Variants in NFIC observed in about 807,000 individuals in gnomAD.
NFIC encodes nuclear factor I C.
In NFIC, 12 loss-of-function variants were observed where a neutral mutation model predicts 54.4. That is an observed-to-expected ratio of 0.22 (90% CI 0.14 to 0.36). NFIC has a LOEUF of 0.36. Ranked by LOEUF, NFIC falls within the 10% of genes least tolerant of loss-of-function variation. The pLI, the probability that NFIC is intolerant of heterozygous loss-of-function variation, is 1.00. For missense variants in NFIC, 575 were observed against 718.2 expected (o/e 0.80, Z 2.28); for synonymous variants, 322 against 319.2 (o/e 1.01, Z -0.09).
upstream of NFIC, among the ~76,000 whole-genome samples, chr19:3,365,732 G>A (rs2080871003): frequency 6.6e-6 from 1 of 152,156 alleles, no homozygotes; most frequent in Admixed American, 6.5e-5. Flanking sequence ...GATCCCGCCT[G>A]GACACCGTCC....
At chr19:3,429,074 C>T (rs994026772) in intron 3 of NFIC, among the ~76,000 whole-genome samples, 5 of 150,886 alleles carry the variant, frequency 3.3e-5, no homozygotes, top group Non-Finnish European at 5.9e-5. Flanking sequence ...CGCTTGAGCC[C>T]AGGAGTTCAA....
At chr19:3,416,951 T>A (rs1226967256) in intron 2 of NFIC, among the ~76,000 whole-genome samples, 1 of 150,764 alleles carries the variant, frequency 6.6e-6, no homozygotes, top group Non-Finnish European at 1.5e-5. Context: ...TGGCGCGATC[T>A]CGGCTCACTG....
intron 2 of NFIC, among the ~76,000 whole-genome samples, chr19:3,413,724 T>TC (rs541073012): frequency 3.1e-4 from 47 of 152,084 alleles, no homozygotes; most frequent in African/African-American, 1.1e-3. Context: ...ACTGCAGCCA[T>TC]CCCCCGGGTT....
At chr19:3,362,630 G>GGT (rs1237343398), upstream of NFIC, among the ~76,000 whole-genome samples, 1 of 151,968 alleles carries the variant, frequency 6.6e-6, no homozygotes, top group Non-Finnish European at 1.5e-5. Context: ...CGTAGTGTGT[G>GGT]GTGTGTGTGT....
chr19:3,417,049 A>G (rs2081869295), intron 2 of NFIC, among the ~76,000 whole-genome samples: 1 of 115,494 alleles, frequency 8.7e-6, no homozygotes, highest in African/African-American at 2.5e-5. Context: ...AGGCCCAGCT[A>G]ATTTTTTTTG....
At position 3,369,660 on chromosome 19, in the gene NFIC, C is replaced by G. The variant is rs1225137981; in HGVS notation, c.30+2994C>G. ...ACTCAAGCGCTTTTTCACTTTTACT[C>G]TTAAGAGGAACTGTGTGGAGCCCAT... On this transcript the variant is annotated intron_variant, in intron 1 of 10. Transcript: ENST00000443272. The surrounding 1 kb of genome is among the most constrained non-coding windows in gnomAD (Gnocchi z 4.3). Among the ~76,000 whole-genome samples, 1 of 151,844 alleles carries G rather than the reference C, an allele frequency of 6.6e-6. No homozygotes were observed. Among genetic ancestry groups the G allele is most frequent in the Non-Finnish European group, 1.5e-5 (1 of 67,898 alleles).
chr19:3,377,961 C>G (rs2081136929), intron 1 of NFIC, among the ~76,000 whole-genome samples: 1 of 151,828 alleles, frequency 6.6e-6, no homozygotes, highest in African/African-American at 2.4e-5. Context: ...TAGGGTTTTG[C>G]CTGCCGGCCA....
chr19:3,408,874 G>A (rs774780822), intron 2 of NFIC, among the ~76,000 whole-genome samples: 2 of 152,074 alleles, frequency 1.3e-5, no homozygotes, highest in African/African-American at 4.8e-5. Context: ...GTGAGCCACC[G>A]CCCCTGGCTG....
At chr19:3,431,059 G>A (rs1449983648) in intron 3 of NFIC, among the ~76,000 whole-genome samples, 1 of 151,900 alleles carries the variant, frequency 6.6e-6, no homozygotes, top group Non-Finnish European at 1.5e-5. Flanking sequence ...CTGTGTCAGA[G>A]CCTCGTTCTT....
At chr19:3,377,728 C>T (rs1197259373) in intron 1 of NFIC, among the ~76,000 whole-genome samples, 1 of 152,092 alleles carries the variant, frequency 6.6e-6, no homozygotes, top group Non-Finnish European at 1.5e-5. Flanking sequence ...CCTCCCACCT[C>T]AGCCTCCTAA....
chr19:3,379,665 ATTTCTTTC>A (rs2081166835), intron 1 of NFIC, among the ~76,000 whole-genome samples: 3 of 83,664 alleles, frequency 3.6e-5, no homozygotes, highest in South Asian at 3.8e-4. Flanking sequence ...ATTTTTTTTT[ATTTCTTTC>A]TTTTTTTTTT....
rs541026494 is a variant in NFIC, at chr19:3,375,934, C to G, written c.31-5778C>G. Reference sequence around the variant, plus strand: ...CTACCTTCCTGAGACCCCAATCTTACAGAGAACAGGCTGTTCTGAGAAAGG... The same window carrying G: ...CTACCTTCCTGAGACCCCAATCTTAGAGAGAACAGGCTGTTCTGAGAAAGG... On this transcript the variant is annotated intron_variant, in intron 1 of 10. Transcript: ENST00000443272. This position sits in a 1 kb window ranked among gnomAD's most constrained non-coding sequence, Gnocchi z 4.6. Among the ~76,000 whole-genome samples the G allele has an allele frequency of 6.6e-6, 1 of 152,210 alleles. No homozygotes were observed. Among genetic ancestry groups the G allele is most frequent in the East Asian group, 1.9e-4 (1 of 5,160 alleles).
chr19:3,360,464 G>T (rs1008280410), intron 1 of NFIC, among the ~76,000 whole-genome samples: 1 of 151,788 alleles, frequency 6.6e-6, no homozygotes, highest in African/African-American at 2.4e-5. Flanking sequence ...CGGTCGACTG[G>T]CGTCGGTGTC....
intron 2 of NFIC, among the ~76,000 whole-genome samples, chr19:3,404,816 GCC>G (rs2081618425): frequency 3.9e-5 from 6 of 152,202 alleles, no homozygotes; most frequent in Admixed American, 3.9e-4. Flanking sequence ...CCGAGCAGGG[GCC>G]CTGCGGCCTC....
rs201575539 is a variant in NFIC, at chr19:3,452,552, C to T, written c.1155C>T (p.Ala385=). The T allele has an allele frequency of 1.9e-6, 3 of 1,613,866 alleles. No homozygotes were observed. Among genetic ancestry groups the T allele is most frequent in the Non-Finnish European group, 2.5e-6 (3 of 1,180,018 alleles). ...FPTTSILPQT[A]STYFPHTAIR... ...CGACGTCCATCCTACCCCAGACGGC[C>T]TCCACCTACTTCCCCCACACGGCCA... is the stretch of plus-strand genomic sequence containing the variant. The change falls in exon 8 of 11, where the codon GCC becomes GCT. Residue 385 remains alanine, a synonymous_variant. Coordinates refer to ENST00000443272, the MANE Select transcript of NFIC (RefSeq NM_001245002.2). This position sits in a 1 kb window ranked among gnomAD's most constrained non-coding sequence, Gnocchi z 5.3.
chr19:3,403,381 C>A (rs2081587628), intron 2 of NFIC, among the ~76,000 whole-genome samples: 1 of 152,196 alleles, frequency 6.6e-6, no homozygotes, highest in Admixed American at 6.5e-5. Flanking sequence ...TCTCTCGGAT[C>A]TTCCGTTTCC....
At chr19:3,414,009 T>A (rs1232173217) in intron 2 of NFIC, among the ~76,000 whole-genome samples, 2 of 152,128 alleles carry the variant, frequency 1.3e-5, no homozygotes, top group Non-Finnish European at 2.9e-5. Context: ...GAGGGATTCT[T>A]GTCTGTCTCT....
intron 2 of NFIC, among the ~76,000 whole-genome samples, chr19:3,416,536 T>A (rs953723808): frequency 6.0e-5 from 9 of 150,682 alleles, no homozygotes; most frequent in Non-Finnish European, 1.3e-4. Context: ...TATTATTATT[T>A]TTGAGACAGA....
chr19:3,451,918 AC>A (rs1437864701), intron 7 of NFIC, among the ~76,000 whole-genome samples: 1 of 151,914 alleles, frequency 6.6e-6, no homozygotes, highest in Non-Finnish European at 1.5e-5. Flanking sequence ...GGAGTTCAAG[AC>A]CAGCCTGGCC....
Sources: gnomAD v4.1 joint callset for allele counts (sites outside exome capture counted in the v4.1 genomes callset) on GRCh38, gnomAD v4.1.1 for gene constraint, Gnocchi (gnomAD v3.1) non-coding constraint, MANE v1.5 for transcripts, NCBI Gene and HGNC (gene_info 2026-07-23, HGNC 2026-07-21) for gene names.